RNF13: variants seen among roughly 807,000 people sequenced by gnomAD.
RNF13 encodes the protein E3 ubiquitin-protein ligase RNF13.
Under a neutral mutation model 37.7 loss-of-function variants are expected in RNF13, and 19 were observed. That is an observed-to-expected ratio of 0.50 (90% CI 0.35 to 0.74). The LOEUF (loss-of-function observed/expected upper bound fraction) is 0.74, where lower values mean the gene tolerates loss of function less well. Among genes scored for constraint, RNF13 ranks in the 30% least tolerant of loss-of-function variants. RNF13 has a pLI of 0.01. For missense variants in RNF13, 375 were observed against 453.0 expected, an observed-to-expected ratio of 0.83 and a Z score of 1.56; for synonymous variants, 144 against 157.8, an observed-to-expected ratio of 0.91 and a Z score of 0.65.
chr3:149,868,313 A>AT (rs557548510), intron 3 of RNF13, among the ~76,000 whole-genome samples: 1,939 of 150,588 alleles, frequency 0.013, 44 homozygotes, highest in African/African-American at 0.044. Flanking sequence ...ACCTTCAACT[A>AT]TTTTTTTTTA....
chr3:149,913,608 T>C (rs1200661422), intron 7 of RNF13, among the ~76,000 whole-genome samples: 1 of 152,230 alleles, frequency 6.6e-6, no homozygotes, highest in Non-Finnish European at 1.5e-5. Flanking sequence ...GTCTTCCCTC[T>C]GGTCTATGAC....
chr3:149,837,825 A>G (rs1220664780), intron 1 of RNF13, among the ~76,000 whole-genome samples: 2 of 151,686 alleles, frequency 1.3e-5, no homozygotes, highest in Non-Finnish European at 2.9e-5. Flanking sequence ...ATGCCTTCCA[A>G]AAGTCCCCCA....
At chr3:149,816,405 G>A (rs1016398352) in intron 1 of RNF13, among the ~76,000 whole-genome samples, 15 of 152,088 alleles carry the variant, frequency 9.9e-5, no homozygotes, top group Non-Finnish European at 1.9e-4. Flanking sequence ...GGTGACCTTG[G>A]GGAAGCTCCT....
At chr3:149,909,867 C>A (rs186580308) in intron 6 of RNF13, among the ~76,000 whole-genome samples, 52 of 151,902 alleles carry the variant, frequency 3.4e-4, no homozygotes, top group African/African-American at 1.2e-3. Flanking sequence ...TTCTGAGCAA[C>A]CCTGGGGCTT....
At chr3:149,883,998 A>G (rs1298446582) in intron 4 of RNF13, among the ~76,000 whole-genome samples, 1 of 152,156 alleles carries the variant, frequency 6.6e-6, no homozygotes, top group Non-Finnish European at 1.5e-5. Flanking sequence ...AACGGCATCC[A>G]GCTCCATTCA....
At chr3:149,906,645 C>CTTTTTTTTTTTTT (rs35801459) in intron 6 of RNF13, among the ~76,000 whole-genome samples, 3 of 79,154 alleles carry the variant, frequency 3.8e-5, no homozygotes, top group African/African-American at 5.0e-5. Context: ...TTCAATTCTG[C>CTTTTTTTTTTTTT]TTTTTTTTTT....
chr3:149,900,986 C>T (rs529442265), intron 5 of RNF13, among the ~76,000 whole-genome samples: 5 of 152,008 alleles, frequency 3.3e-5, no homozygotes, highest in Non-Finnish European at 5.9e-5. Flanking sequence ...AAAACAATAA[C>T]AGCAAAATAG....
At chr3:149,920,001 A>T (rs1422405906) in intron 7 of RNF13, among the ~76,000 whole-genome samples, 1 of 152,230 alleles carries the variant, frequency 6.6e-6, no homozygotes, top group East Asian at 1.9e-4. Flanking sequence ...GACTACTAGT[A>T]GACATTGCAC....
At chr3:149,865,115 C>A (rs904277817) in intron 3 of RNF13, among the ~76,000 whole-genome samples, 3 of 151,574 alleles carry the variant, frequency 2.0e-5, no homozygotes, top group African/African-American at 7.3e-5. Context: ...AATTCCAAAA[C>A]CAAGAGAAGA....
intron 4 of RNF13, among the ~76,000 whole-genome samples, chr3:149,881,051 A>G (rs902610504): frequency 2.6e-5 from 4 of 152,210 alleles, no homozygotes; most frequent in African/African-American, 9.7e-5. Context: ...TCTTTTTATT[A>G]AAAAATAAAA....
At chr3:149,924,238 A>G (rs780816449) in intron 8 of RNF13, among the ~76,000 whole-genome samples, 6 of 152,206 alleles carry the variant, frequency 3.9e-5, no homozygotes, top group Non-Finnish European at 8.8e-5. Context: ...AGCAGGTTTT[A>G]GGAGGGAAAT....
chr3:149,948,098 C>T (rs549467971), intron 8 of RNF13, among the ~76,000 whole-genome samples: 18 of 152,116 alleles, frequency 1.2e-4, no homozygotes, highest in East Asian at 7.7e-4. Flanking sequence ...TACAGGCACA[C>T]GCCACCATGT....
chr3:149,820,301 C>T (rs1431049992), intron 1 of RNF13, among the ~76,000 whole-genome samples: 2 of 151,988 alleles, frequency 1.3e-5, no homozygotes, highest in Non-Finnish European at 2.9e-5. Flanking sequence ...ATCCTCCCTC[C>T]TCAGCTTCCC....
chr3:149,883,943 C>G (rs1713714481), intron 4 of RNF13, among the ~76,000 whole-genome samples: 1 of 152,156 alleles, frequency 6.6e-6, no homozygotes, highest in Non-Finnish European at 1.5e-5. Flanking sequence ...TAAGTGAGAA[C>G]ACGTGGTGTT....
intron 8 of RNF13, among the ~76,000 whole-genome samples, chr3:149,923,298 C>T (rs1320432264): frequency 6.6e-6 from 1 of 151,852 alleles, no homozygotes; most frequent in East Asian, 1.9e-4. Context: ...CTGTGTTGCT[C>T]AGGCTGAACT....
At chr3:149,899,882 A>G (rs1430333040) in intron 5 of RNF13, among the ~76,000 whole-genome samples, 12 of 152,254 alleles carry the variant, frequency 7.9e-5, no homozygotes, top group Non-Finnish European at 5.9e-5. Context: ...TGTTTGAAAC[A>G]TGTATTAGGC....
At chr3:149,852,385 G>A (rs1723196077) in intron 2 of RNF13, 131 bp from the exon 3 acceptor site, 1 of 434,150 alleles carries the variant, frequency 2.3e-6, no homozygotes, top group South Asian at 5.2e-5. Flanking sequence ...TACAAATTCA[G>A]TTTTATTTTG....
chr3:149,859,730 A>G (rs1724030710), intron 3 of RNF13, among the ~76,000 whole-genome samples: 1 of 152,190 alleles, frequency 6.6e-6, no homozygotes, highest in Non-Finnish European at 1.5e-5. Context: ...TAAAATTAAG[A>G]TGATATAGAT....
Position 149,882,539 on chromosome 3 carries a change from G to A in RNF13, c.321+10385G>A, listed in dbSNP as rs1409237766. Among the ~76,000 whole-genome samples, 3 of 152,096 alleles carry A rather than the reference G, an allele frequency of 2.0e-5. No individual in the cohort carries two copies. In the East Asian group the frequency reaches 5.8e-4, roughly 29 times the overall value. On this transcript the variant is annotated intron_variant, in intron 4 of 9. Coordinates refer to ENST00000392894, the MANE Select transcript of RNF13 (RefSeq NM_183381.3). ...TTGTCAGATCTCTGTTTTTCAAGGT[G>A]AAAACAGGCTTAGTTTTCTAGTAAT...
Sources: allele counts gnomAD v4.1 joint callset (sites outside exome capture counted in the v4.1 genomes callset), GRCh38; gene constraint gnomAD v4.1.1; transcripts MANE v1.5; gene names NCBI Gene and HGNC (gene_info 2026-07-23, HGNC 2026-07-21).